The following LGR6 variants were observed in gnomAD, a reference collection of about 807,000 sequenced individuals.
LGR6 encodes the protein leucine-rich repeat-containing G protein-coupled receptor 6.
A neutral mutation model predicts 69.4 loss-of-function variants in LGR6; 45 were observed. That is an observed-to-expected ratio of 0.65 (90% CI 0.51 to 0.83). The LOEUF (loss-of-function observed/expected upper bound fraction) is 0.83, where lower values mean the gene tolerates loss of function less well. LGR6 is among the 40% of genes least tolerant of loss of function. LGR6 has a pLI of 0.00. For missense variants in LGR6, 1,108 were observed against 1,246.7 expected, an observed-to-expected ratio of 0.89 and a Z score of 1.68; for synonymous variants, 538 against 555.0, an observed-to-expected ratio of 0.97 and a Z score of 0.43.
chr1:202,233,110 C>T (rs4266947), intron 3 of LGR6, among the ~76,000 whole-genome samples: 10,079 of 152,098 alleles, frequency 0.066, 423 homozygotes, highest in Admixed American at 0.11. Flanking sequence ...TGAGTTGTCT[C>T]GGGGAGACAA....
intron 17 of LGR6, among the ~76,000 whole-genome samples, chr1:202,315,669 C>A (rs1164050127): frequency 6.6e-6 from 1 of 152,232 alleles, no homozygotes; most frequent in East Asian, 1.9e-4. Context: ...TCCAGTTTTC[C>A]AGCTTTCTCT....
At chr1:202,225,361 G>A (rs749107858) in intron 1 of LGR6, 62 bp from the exon 2 acceptor site, 1 of 1,485,446 alleles carries the variant, frequency 6.7e-7, no homozygotes, top group Non-Finnish European at 9.4e-7. Context: ...TTGGCACCTG[G>A]ACAGTGCCAG....
At chr1:202,269,586 G>C (rs949639492) in intron 4 of LGR6, among the ~76,000 whole-genome samples, 1 of 152,198 alleles carries the variant, frequency 6.6e-6, no homozygotes, top group East Asian at 1.9e-4. Flanking sequence ...ATGAGAAGTG[G>C]AATTCCTCTC....
At chr1:202,215,055 T>C (rs1659681150) in intron 1 of LGR6, among the ~76,000 whole-genome samples, 1 of 144,964 alleles carries the variant, frequency 6.9e-6, no homozygotes, top group Non-Finnish European at 1.5e-5. Flanking sequence ...AGTTGCTGGG[T>C]TGGGAAGGAG....
chr1:202,307,524 G>A (rs1301413761), intron 14 of LGR6, 123 bp downstream of exon 14: 1 of 760,206 alleles, frequency 1.3e-6, no homozygotes, highest in Non-Finnish European at 2.3e-6. Flanking sequence ...ATGGGCCTCA[G>A]CCTAATCAAT....
At chr1:202,257,810 C>G (rs1663897497) in intron 4 of LGR6, among the ~76,000 whole-genome samples, 4 of 152,030 alleles carry the variant, frequency 2.6e-5, no homozygotes, top group Admixed American at 2.6e-4. Context: ...CCTTGCATTT[C>G]CATATAAATT....
chr1:202,221,363 T>C (rs1660142045), intron 1 of LGR6, among the ~76,000 whole-genome samples: 1 of 152,164 alleles, frequency 6.6e-6, no homozygotes, highest in Non-Finnish European at 1.5e-5. Flanking sequence ...TTACCCAGTT[T>C]CCTTGGGTGG....
intron 3 of LGR6, among the ~76,000 whole-genome samples, chr1:202,230,970 G>A (rs189232125): frequency 1.3e-5 from 2 of 152,286 alleles, no homozygotes; most frequent in African/African-American, 4.8e-5. Context: ...CAGGTGCCTT[G>A]CTCCTGGATT....
intron 4 of LGR6, among the ~76,000 whole-genome samples, chr1:202,273,677 G>C (rs1258455245): frequency 1.3e-5 from 2 of 151,824 alleles, no homozygotes; most frequent in Non-Finnish European, 2.9e-5. Flanking sequence ...GGCTGGTCTC[G>C]AACTCCGACA....
intron 1 of LGR6, among the ~76,000 whole-genome samples, chr1:202,221,640 A>G (rs1056586067): frequency 1.3e-5 from 2 of 152,174 alleles, no homozygotes; most frequent in African/African-American, 4.8e-5. Flanking sequence ...CTTGCTGTAC[A>G]TGCATAGGTA....
chr1:202,198,885 C>T (rs945505408), intron 1 of LGR6, among the ~76,000 whole-genome samples: 2 of 151,958 alleles, frequency 1.3e-5, no homozygotes, highest in Non-Finnish European at 2.9e-5. Context: ...GGGGTGCCAA[C>T]GTGCCAGGTC....
chr1:202,204,387 TCCACACACACACCTCCAAACACACA>T (rs1658966368), intron 1 of LGR6, among the ~76,000 whole-genome samples: 2 of 37,850 alleles, frequency 5.3e-5, no homozygotes, highest in Admixed American at 3.4e-4. Flanking sequence ...CACACACACC[TCCACACACACACCTCCAAACACACA>T]CCACACACAC....
chr1:202,284,955 A>G (rs542684598), intron 6 of LGR6, among the ~76,000 whole-genome samples: 36 of 152,318 alleles, frequency 2.4e-4, no homozygotes, highest in African/African-American at 7.5e-4. Context: ...CTGGCTGGAC[A>G]CTTCCCTTTG....
chr1:202,215,048 T>A (rs1659680960), intron 1 of LGR6, among the ~76,000 whole-genome samples: 1 of 135,668 alleles, frequency 7.4e-6, no homozygotes, highest in Admixed American at 7.8e-5. Flanking sequence ...TGAGTTGAGT[T>A]GCTGGGTTGG....
At chr1:202,239,269 C>T (rs1228997114) in intron 4 of LGR6, among the ~76,000 whole-genome samples, 1 of 151,798 alleles carries the variant, frequency 6.6e-6, no homozygotes, top group Non-Finnish European at 1.5e-5. Context: ...GCCCCGGGGA[C>T]AATCTTTCAG....
Position 202,318,336 on chromosome 1 carries a change from G to A in LGR6, c.2033G>A (p.Gly678Glu). The change falls in exon 18 of 18, where the codon GGG becomes GAG. Residue 678 changes from glycine (G) to glutamate (E), a missense_variant. By Grantham distance (98) the Gly-to-Glu change is moderately conservative. Transcript: ENST00000367278. ...TCCGTCTCCTGTGTCCGGGCCTATG[G>A]GAAGTCCCCCTCCCTGGGCAGCGTT... Reference protein sequence around the residue: ...SVSVSCVRAYGKSPSLGSVRA... With the variant: ...SVSVSCVRAYEKSPSLGSVRA... The A allele has an allele frequency of 1.3e-6, 2 of 1,596,682 alleles. No individual in the cohort carries two copies. The highest frequency in any genetic ancestry group is 8.5e-7 in the Non-Finnish European group (1 of 1,171,202).
At chr1:202,196,741 G>A (rs1658655446) in intron 1 of LGR6, among the ~76,000 whole-genome samples, 1 of 152,204 alleles carries the variant, frequency 6.6e-6, no homozygotes, top group Admixed American at 6.5e-5. Flanking sequence ...GGTGCTCCAT[G>A]GAGGTGGAGG....
At chr1:202,302,107 G>T (rs775191269) in intron 9 of LGR6, among the ~76,000 whole-genome samples, 2 of 152,134 alleles carry the variant, frequency 1.3e-5, no homozygotes, top group Non-Finnish European at 2.9e-5. Flanking sequence ...CAGGAGAATT[G>T]CTTGAACCTG....
At chr1:202,218,639 T>C (rs1368520516) in intron 1 of LGR6, among the ~76,000 whole-genome samples, 2 of 152,130 alleles carry the variant, frequency 1.3e-5, no homozygotes, top group African/African-American at 2.4e-5. Flanking sequence ...TCATCCACAA[T>C]GCCAACGGAG....
Sources: gnomAD v4.1 joint callset for allele counts (sites outside exome capture counted in the v4.1 genomes callset) on GRCh38, gnomAD v4.1.1 for gene constraint, MANE v1.5 for transcripts, NCBI Gene and HGNC (gene_info 2026-07-23, HGNC 2026-07-21) for gene names.